LRRC8A: variants seen among roughly 807,000 people sequenced by gnomAD.
LRRC8A encodes the protein volume-regulated anion channel subunit LRRC8A.
LRRC8A carries 24 observed loss-of-function variants against 52.5 expected under a neutral mutation model. The observed-to-expected ratio is 0.46, with a 90% CI of 0.33 to 0.64. The LOEUF is 0.64. Ranked by LOEUF, LRRC8A falls within the 30% of genes least tolerant of loss-of-function variation. The pLI is 0.02. For synonymous variants in LRRC8A, 492 were observed against 494.2 expected, an observed-to-expected ratio of 1.00 and a Z score of 0.06; for missense variants, 677 against 1,094.7, an observed-to-expected ratio of 0.62 and a Z score of 5.38.
At chr9:128,889,758 T>C (rs994146206) in intron 2 of LRRC8A, among the ~76,000 whole-genome samples, 37 of 151,872 alleles carry the variant, frequency 2.4e-4, no homozygotes, top group Admixed American at 2.4e-3. Context: ...TCTCCAAAGT[T>C]CCAGGACTAC....
chr9:128,915,287 G>A (rs1052346196), intron 3 of LRRC8A, among the ~76,000 whole-genome samples: 1 of 152,114 alleles, frequency 6.6e-6, no homozygotes, highest in Non-Finnish European at 1.5e-5. Context: ...CTATGATAAA[G>A]TTTAATTTAT....
intron 3 of LRRC8A, 35 bp downstream of exon 3, chr9:128,909,356 G>T: frequency 6.3e-7 from 1 of 1,596,692 alleles, no homozygotes; most frequent in East Asian, 2.2e-5. Flanking sequence ...CGTGTGGGCT[G>T]GCGGGTGGCC....
In LRRC8A at chr9:128,892,470, G is replaced by T. The variant is rs12001178; in HGVS notation, c.-9+6349G>T. Among the ~76,000 whole-genome samples the T allele has an allele frequency of 6.6e-6, 1 of 152,156 alleles. No individual in the cohort carries two copies. Among genetic ancestry groups the T allele is most frequent in the African/African-American group, 2.4e-5 (1 of 41,430 alleles). On this transcript the variant is annotated intron_variant, in intron 2 of 3. Transcript: ENST00000372600. This position sits in a 1 kb window ranked among gnomAD's most constrained non-coding sequence, Gnocchi z 5.2. ...GGTGAGAGCAGTTTGGAACTGACCCGTGCTCCCCTCCCCCTCCAGCCCTGG... is the reference window on the plus strand; with the variant it reads ...GGTGAGAGCAGTTTGGAACTGACCCTTGCTCCCCTCCCCCTCCAGCCCTGG...
chr9:128,885,149 C>A (rs1329911023), intron 1 of LRRC8A: 1 of 152,364 alleles, frequency 6.6e-6, no homozygotes, highest in Non-Finnish European at 1.5e-5. Flanking sequence ...CCTGCCACTC[C>A]CATGCACAGT....
At chr9:128,891,968 C>T (rs1486977934) in intron 2 of LRRC8A, among the ~76,000 whole-genome samples, 2 of 152,128 alleles carry the variant, frequency 1.3e-5, no homozygotes, top group Non-Finnish European at 2.9e-5. Context: ...TTAAACTCTA[C>T]CATAATAATA....
rs141258146 is a variant in LRRC8A at position 128,911,320 on chromosome 9, G to A, written c.2157+1999G>A. ...GGGATTTTGACAAGTCCTTATCTCC[G>A]GCCACCCCATATTATGACTTGAGCA... On this transcript the variant is annotated intron_variant, in intron 3 of 3. Coordinates refer to ENST00000372600, the MANE Select transcript of LRRC8A (RefSeq NM_019594.4). This position sits in a 1 kb window ranked among gnomAD's most constrained non-coding sequence, Gnocchi z 4.9. Among the ~76,000 whole-genome samples, 72 of 152,248 alleles carry A rather than the reference G, an allele frequency of 4.7e-4. No homozygotes were observed. Among genetic ancestry groups the A allele is most frequent in the African/African-American group, 1.4e-3 (59 of 41,544 alleles).
At position 128,908,519 on chromosome 9, in the gene LRRC8A, A is replaced by G; in HGVS notation, c.1355A>G (p.Lys452Arg). The part of the protein sequence containing the change: ...VFDLVELEVL[K>R]LELIPDVTIP... Reference sequence around the variant, plus strand: ...GACCTGGTGGAGCTGGAGGTCCTCAAGCTGGAGCTGATCCCCGACGTGACC... The same window carrying G: ...GACCTGGTGGAGCTGGAGGTCCTCAGGCTGGAGCTGATCCCCGACGTGACC... The change falls in exon 3 of 4, where the codon AAG becomes AGG. Residue 452 changes from lysine to arginine, a missense_variant. Physicochemically the swap from Lys to Arg is conservative, Grantham distance 26 (BLOSUM62 2). This residue lies in a region of LRRC8A where 422 missense variants were observed against 741.5 expected (regional missense o/e 0.57). Transcript: ENST00000372600. 6.2e-7 allele frequency: 1 copy of G among 1,612,934 alleles called. No individual in the cohort carries two copies. Among genetic ancestry groups the G allele is most frequent in the Non-Finnish European group, 8.5e-7 (1 of 1,179,980 alleles).
chr9:128,916,181 C>T lies in LRRC8A; in HGVS notation c.2243C>T (p.Ser748Phe). ...AACAACGTGCTGCAGTCACTGCCCT[C>T]CAGGGTGGGCGAGCTGACCAACCTG... ...LGNNVLQSLP[S>F]RVGELTNLTQ... is the part of the protein sequence containing the mutation. Residue 748 changes from serine to phenylalanine, a missense_variant, in exon 4 of 4, where the codon TCC becomes TTC. Ser to Phe is a radical substitution (Grantham distance 155). Around this residue, in one of 4 missense-constraint regions of LRRC8A, gnomAD observed 169 missense variants for 217.6 expected, o/e 0.78. Coordinates refer to ENST00000372600, the MANE Select transcript of LRRC8A (RefSeq NM_019594.4). The surrounding 1 kb of genome is among the most constrained non-coding windows in gnomAD (Gnocchi z 6.1). 2 of 1,613,412 alleles carry T rather than the reference C, an allele frequency of 1.2e-6. No individual in the cohort carries two copies. Among genetic ancestry groups the T allele is most frequent in the Non-Finnish European group, 1.7e-6 (2 of 1,179,998 alleles).
intron 2 of LRRC8A, among the ~76,000 whole-genome samples, chr9:128,895,367 T>C (rs912027665): frequency 6.6e-6 from 1 of 152,128 alleles, no homozygotes; most frequent in African/African-American, 2.4e-5. Context: ...TAAAATAAAA[T>C]AAGTTGTAAA....
rs1488466833 is a variant in LRRC8A, at chr9:128,916,579, C to T, written c.*208C>T. Reference sequence around the variant, plus strand: ...TTCTCCCTCTGAGACTCACGTCCCCCAGGGCAAGTGCTTGTGGAGGAGAGC... The same window carrying T: ...TTCTCCCTCTGAGACTCACGTCCCCTAGGGCAAGTGCTTGTGGAGGAGAGC... On this transcript the variant is annotated 3_prime_UTR_variant, in exon 4 of 4. Transcript: ENST00000372600. The surrounding 1 kb of genome is among the most constrained non-coding windows in gnomAD (Gnocchi z 6.1). 4.8e-6 allele frequency: 3 copies of T among 625,848 alleles called. No individual in the cohort carries two copies. Among genetic ancestry groups the T allele is most frequent in the East Asian group, 5.6e-5 (2 of 35,852 alleles). 38.8% of individuals were successfully genotyped at this position (625,848 alleles called of 1,614,324 possible).
Position 128,916,493 on chromosome 9 carries a change from C to T in LRRC8A, c.*122C>T. 1 of 1,267,536 alleles carries T rather than the reference C, an allele frequency of 7.9e-7. No homozygotes were observed. The highest frequency in any genetic ancestry group is 1.5e-5 in the South Asian group (1 of 65,714). The allele number at this position is 1,267,536 out of a possible 1,614,324, so 78.5% of individuals were successfully genotyped here. A position where few individuals can be genotyped will look rare whatever the true frequency, so the allele number is the denominator to read the frequency against. ...GGACAGCCTCGTGGCTGGGCAGGAG[C>T]CTGGGGCCGCTTGTGAGTCAGGCCA... On this transcript the variant is annotated 3_prime_UTR_variant, in exon 4 of 4. Transcript: ENST00000372600. The surrounding 1 kb of genome is among the most constrained non-coding windows in gnomAD (Gnocchi z 6.1).
rs758396179 is a variant in LRRC8A at position 128,907,804 on chromosome 9, C to T, written c.640C>T (p.Arg214Trp). The change falls in exon 3 of 4, where the codon CGG becomes TGG. Residue 214 changes from arginine (R) to tryptophan (W), a missense_variant. Coordinates refer to ENST00000372600, the MANE Select transcript of LRRC8A (RefSeq NM_019594.4). The surrounding 1 kb of genome is among the most constrained non-coding windows in gnomAD (Gnocchi z 9.3). ...GGAGGCCACCGTGCCCATGCTGCAG[C>T]GGACCAAGTCACGGATCGAGCAGGG... The part of the protein sequence containing the change: ...DVEATVPMLQ[R>W]TKSRIEQGIV... 21 of 1,613,808 alleles carry T rather than the reference C, an allele frequency of 1.3e-5. No homozygotes were observed. Among genetic ancestry groups the T allele is most frequent in the Non-Finnish European group, 1.5e-5 (18 of 1,179,980 alleles).
At chr9:128,896,248 T>C (rs1266520038) in intron 2 of LRRC8A, among the ~76,000 whole-genome samples, 2 of 152,264 alleles carry the variant, frequency 1.3e-5, no homozygotes, top group Non-Finnish European at 2.9e-5. Flanking sequence ...TACATGTTGC[T>C]ACAGTTCATT....
At chr9:128,886,785 C>G (rs1302582795) in intron 2 of LRRC8A, among the ~76,000 whole-genome samples, 2 of 152,202 alleles carry the variant, frequency 1.3e-5, no homozygotes. Flanking sequence ...CGAGTCATAG[C>G]TGGTGTGTGT....
rs1410631474 is a variant in LRRC8A at position 128,908,502 on chromosome 9, G to A, written c.1338G>A (p.Val446=). ...SGIPDTVFDL[V]ELEVLKLELI... Reference sequence around the variant, plus strand: ...TCCCTGACACTGTGTTTGACCTGGTGGAGCTGGAGGTCCTCAAGCTGGAGC... The same window carrying A: ...TCCCTGACACTGTGTTTGACCTGGTAGAGCTGGAGGTCCTCAAGCTGGAGC... Residue 446 remains valine, a synonymous_variant, in exon 3 of 4, where the codon GTG becomes GTA. Coordinates refer to ENST00000372600, the MANE Select transcript of LRRC8A (RefSeq NM_019594.4). The A allele has an allele frequency of 6.2e-7, 1 of 1,612,990 alleles. No homozygotes were observed. Among genetic ancestry groups the A allele is most frequent in the South Asian group, 1.1e-5 (1 of 91,068 alleles).
At chr9:128,882,384 A>C in intron 1 of LRRC8A, 134 bp downstream of exon 1, 9 of 230,654 alleles carry the variant, frequency 3.9e-5, no homozygotes, top group South Asian at 1.8e-4. Flanking sequence ...CCCCCTGGGG[A>C]CCTCCCGCGG....
chr9:128,900,395 A>G (rs1011938822), intron 2 of LRRC8A, among the ~76,000 whole-genome samples: 1 of 152,078 alleles, frequency 6.6e-6, no homozygotes, highest in African/African-American at 2.4e-5. Flanking sequence ...ACTGCGCCCC[A>G]CTCTGCACAA....
chr9:128,892,017 C>A lies in LRRC8A; in HGVS notation c.-9+5896C>A, dbSNP rs1038434436. On this transcript the variant is annotated intron_variant, in intron 2 of 3. Transcript: ENST00000372600. The surrounding 1 kb of genome is among the most constrained non-coding windows in gnomAD (Gnocchi z 5.2). Reference sequence around the variant, plus strand: ...TTCCAGAGCCTTACTGTATGGCAGGCACTAGTCCAAAAGCTTTATATGGAC... The same window carrying A: ...TTCCAGAGCCTTACTGTATGGCAGGAACTAGTCCAAAAGCTTTATATGGAC... Among the ~76,000 whole-genome samples the A allele has an allele frequency of 6.6e-5, 10 of 152,190 alleles. No individual in the cohort carries two copies. The highest frequency in any genetic ancestry group is 3.3e-4 in the Admixed American group (5 of 15,274).
At chr9:128,898,131 T>C (rs980991155) in intron 2 of LRRC8A, among the ~76,000 whole-genome samples, 3 of 152,066 alleles carry the variant, frequency 2.0e-5, no homozygotes, top group African/African-American at 7.2e-5. Context: ...TTTAACATAC[T>C]TTGAACATTT....
Sources: allele counts gnomAD v4.1 joint callset (sites outside exome capture counted in the v4.1 genomes callset), GRCh38; gene constraint gnomAD v4.1.1; regional missense constraint gnomAD v4.1.1; non-coding constraint Gnocchi (gnomAD v3.1); transcripts MANE v1.5; gene names NCBI Gene and HGNC (gene_info 2026-07-23, HGNC 2026-07-21).